The following ACOXL variants were observed in gnomAD, a reference collection of about 807,000 sequenced individuals.
ACOXL encodes the protein acyl-coenzyme A oxidase-like protein.
A neutral mutation model predicts 71.9 loss-of-function variants in ACOXL; 70 were observed. That is an observed-to-expected ratio of 0.97 (90% CI 0.80 to 1.19). The LOEUF (loss-of-function observed/expected upper bound fraction) is 1.19, where lower values mean the gene tolerates loss of function less well. Among genes scored for constraint, ACOXL ranks in the 50% most tolerant of loss-of-function variants. The probability of loss-of-function intolerance (pLI) is 0.00; values close to 1 mark genes in which losing one functional copy is unlikely to be tolerated. For synonymous variants in ACOXL, 253 were observed against 281.6 expected (o/e 0.90, Z 1.02); for missense variants, 703 against 736.3 (o/e 0.95, Z 0.52).
chr2:110,964,178 G>A (rs1162457751), intron 12 of ACOXL, among the ~76,000 whole-genome samples: 3 of 152,152 alleles, frequency 2.0e-5, no homozygotes, highest in Admixed American at 6.5e-5. Context: ...TTTGCATGTT[G>A]CTGTTGAACT....
At chr2:110,993,002 TCATATCTATGGATCTGTGTATGGAACTCA>T (rs1444568220) in intron 13 of ACOXL, among the ~76,000 whole-genome samples, 1 of 152,242 alleles carries the variant, frequency 6.6e-6, no homozygotes, top group East Asian at 1.9e-4. Context: ...TATATCACTA[TCATATCTATGGATCTGTGTATGGAACTCA>T]CCCATCCATT....
chr2:110,895,473 A>G (rs1574027652), intron 10 of ACOXL, among the ~76,000 whole-genome samples: 1 of 152,304 alleles, frequency 6.6e-6, no homozygotes, highest in East Asian at 1.9e-4. Context: ...AGTCTCAGAA[A>G]AAAGAATGAA....
At chr2:110,851,163 T>G (rs1692556206) in intron 10 of ACOXL, among the ~76,000 whole-genome samples, 2 of 152,196 alleles carry the variant, frequency 1.3e-5, no homozygotes, top group South Asian at 4.1e-4. Context: ...GACGGACAGA[T>G]TCTAAATCTT....
chr2:110,771,676 A>G (rs1295546510), intron 2 of ACOXL, among the ~76,000 whole-genome samples: 1 of 152,350 alleles, frequency 6.6e-6, no homozygotes, highest in East Asian at 1.9e-4. Context: ...GTGTGCACGC[A>G]CACACACACA....
At chr2:110,854,319 C>T (rs148888839) in intron 10 of ACOXL, among the ~76,000 whole-genome samples, 69 of 152,254 alleles carry the variant, frequency 4.5e-4, no homozygotes, top group African/African-American at 1.6e-3. Flanking sequence ...TCTTTGTGAT[C>T]GTCCAGGCAG....
intron 14 of ACOXL, among the ~76,000 whole-genome samples, chr2:111,012,188 CTG>C (rs1277275040): frequency 1.3e-5 from 2 of 152,232 alleles, no homozygotes; most frequent in East Asian, 3.8e-4. Context: ...AGTGGGAACA[CTG>C]TGTTAAACTG....
rs1052171322 is a variant in ACOXL, at chr2:110,890,963, C to CT, written c.789-17817dup. ...TTAGACCTTCTTTAATTTCTTTCAA[C>CT]TTTTTTTTTGTTTTCAGTACACAAG... On this transcript the variant is annotated intron_variant, in intron 10 of 17. Coordinates refer to ENST00000439055, the MANE Select transcript of ACOXL (RefSeq NM_001142807.4). 2.8e-4 allele frequency among the ~76,000 whole-genome samples: 43 copies of CT among 151,242 alleles called. 1 individual carries two copies. The highest frequency in any genetic ancestry group is 1.6e-3 in the Admixed American group (24 of 15,192).
At chr2:110,840,045 G>A (rs539287541) in intron 9 of ACOXL, among the ~76,000 whole-genome samples, 68 of 151,458 alleles carry the variant, frequency 4.5e-4, no homozygotes, top group South Asian at 2.5e-3. Flanking sequence ...GCTGGAGTGC[G>A]GTGGCGCAAT....
intron 14 of ACOXL, among the ~76,000 whole-genome samples, chr2:111,015,887 A>G (rs1165778899): frequency 6.6e-6 from 1 of 152,160 alleles, no homozygotes; most frequent in Non-Finnish European, 1.5e-5. Context: ...ATACTGTATA[A>G]TTCCATTTAT....
chr2:110,925,570 A>G (rs753272943), intron 11 of ACOXL, among the ~76,000 whole-genome samples: 2 of 152,220 alleles, frequency 1.3e-5, no homozygotes, highest in African/African-American at 2.4e-5. Context: ...CAGCCTTTGT[A>G]GAATTGAAGA....
intron 9 of ACOXL, among the ~76,000 whole-genome samples, chr2:110,835,353 C>T (rs759351471): frequency 6.6e-6 from 1 of 152,040 alleles, no homozygotes. Context: ...GCTTTTCCTC[C>T]TCTTCCCTGT....
chr2:110,870,975 T>C (rs10177582), intron 10 of ACOXL, among the ~76,000 whole-genome samples: 47,302 of 152,018 alleles, frequency 0.31, 7,624 homozygotes, highest in Non-Finnish European at 0.35. Context: ...GCTTAAATCG[T>C]CCCAGTGTTG....
At chr2:110,746,631 C>T (rs183038411) in intron 1 of ACOXL, among the ~76,000 whole-genome samples, 4 of 152,206 alleles carry the variant, frequency 2.6e-5, no homozygotes, top group Admixed American at 1.3e-4. Context: ...GCACCGTAGA[C>T]GCCTGCAGAA....
intron 10 of ACOXL, chr2:110,886,965 T>C: frequency 1.6e-6 from 2 of 1,226,920 alleles, no homozygotes; most frequent in Non-Finnish European, 2.3e-6. Flanking sequence ...CTCACTGCAC[T>C]ATCCCAAACT....
intron 10 of ACOXL, among the ~76,000 whole-genome samples, chr2:110,843,035 G>T (rs1691360648): frequency 6.6e-6 from 1 of 152,296 alleles, no homozygotes; most frequent in East Asian, 1.9e-4. Flanking sequence ...TGCGCACACG[G>T]ACCCCTAACC....
chr2:111,013,550 T>C (rs1218334869), intron 14 of ACOXL, among the ~76,000 whole-genome samples: 1 of 143,200 alleles, frequency 7.0e-6, no homozygotes, highest in Non-Finnish European at 1.5e-5. Flanking sequence ...AAAAAAGAAG[T>C]AAAAGAAAAG....
chr2:110,882,251 G>T (rs1696748854), intron 10 of ACOXL, among the ~76,000 whole-genome samples: 1 of 152,040 alleles, frequency 6.6e-6, no homozygotes, highest in African/African-American at 2.4e-5. Context: ...GCCTACGCTT[G>T]TTTGCTATCC....
chr2:110,743,484 A>C (rs1174313710), intron 1 of ACOXL, among the ~76,000 whole-genome samples: 1 of 151,996 alleles, frequency 6.6e-6, no homozygotes, highest in African/African-American at 2.4e-5. Context: ...AAATTTACTA[A>C]TTTTTCCAGT....
chr2:110,933,567 G>A lies in ACOXL; in HGVS notation c.984G>A (p.Val328=). 6.2e-7 allele frequency: 1 copy of A among 1,614,134 alleles called. No homozygotes were observed. Among genetic ancestry groups the A allele is most frequent in the Non-Finnish European group, 8.5e-7 (1 of 1,180,012 alleles). Residue 328 remains valine, a synonymous_variant, in exon 12 of 18, where the codon GTG becomes GTA. Coordinates refer to ENST00000439055, the MANE Select transcript of ACOXL (RefSeq NM_001142807.4). The part of the protein sequence containing the change: ...LVNSRSLQAL[V]AGLKAYSTWE... ...ACAGTCGCTCGCTGCAGGCTCTGGTGGCGGGGCTGAAGGCCTACAGCACCT... is the reference window on the plus strand; with the variant it reads ...ACAGTCGCTCGCTGCAGGCTCTGGTAGCGGGGCTGAAGGCCTACAGCACCT...
Sources: gnomAD v4.1 joint callset for allele counts (sites outside exome capture counted in the v4.1 genomes callset) on GRCh38, gnomAD v4.1.1 for gene constraint, MANE v1.5 for transcripts, NCBI Gene and HGNC (gene_info 2026-07-23, HGNC 2026-07-21) for gene names.